ZRANB3: variants seen among roughly 807,000 people sequenced by gnomAD.
ZRANB3 encodes the protein zinc finger RANBP2-type containing 3, also known as DNA annealing helicase and endonuclease ZRANB3.
In ZRANB3, 125 loss-of-function variants were observed where a neutral mutation model predicts 133.8. The ratio of observed to expected loss-of-function variants is 0.93; its 90% CI spans 0.81 to 1.08. The LOEUF is 1.08. Among genes scored for constraint, ZRANB3 ranks in the 50% least tolerant of loss-of-function variants. ZRANB3 has a pLI of 0.00. For synonymous variants in ZRANB3, 387 were observed against 432.7 expected, an observed-to-expected ratio of 0.89 and a Z score of 1.31; for missense variants, 1,229 against 1,275.5, an observed-to-expected ratio of 0.96 and a Z score of 0.56.
chr2:135,309,497 A>G (rs1558906152), intron 8 of ZRANB3, among the ~76,000 whole-genome samples: 1 of 152,226 alleles, frequency 6.6e-6, no homozygotes, highest in Non-Finnish European at 1.5e-5. Context: ...TTCTAGAATT[A>G]ACCAAAAATC....
chr2:135,413,354 G>C (rs1308909774), intron 2 of ZRANB3, among the ~76,000 whole-genome samples: 1 of 152,090 alleles, frequency 6.6e-6, no homozygotes, highest in Admixed American at 6.6e-5. Context: ...TTCTGTTATT[G>C]TACAACATCC....
intron 20 of ZRANB3, 121 bp from the exon 21 acceptor site, chr2:135,200,561 G>T: frequency 1.3e-6 from 1 of 788,806 alleles, no homozygotes; most frequent in Non-Finnish European, 2.0e-6. Flanking sequence ...TTTTCCAGTG[G>T]TTGGCTATGG....
At chr2:135,462,735 GGT>G (rs1466828920) in intron 2 of ZRANB3, among the ~76,000 whole-genome samples, 1 of 151,864 alleles carries the variant, frequency 6.6e-6, no homozygotes, top group African/African-American at 2.4e-5. Context: ...TGGGATTACA[GGT>G]GCCCACCATC....
intron 8 of ZRANB3, among the ~76,000 whole-genome samples, chr2:135,295,962 G>A (rs1007875312): frequency 6.6e-6 from 1 of 152,112 alleles, no homozygotes; most frequent in African/African-American, 2.4e-5. Flanking sequence ...TAGTCTGATG[G>A]GCTTCCCTTT....
At chr2:135,252,019 G>A (rs562925365) in intron 12 of ZRANB3, among the ~76,000 whole-genome samples, 1 of 152,304 alleles carries the variant, frequency 6.6e-6, no homozygotes, top group East Asian at 1.9e-4. Context: ...TGGCGACAGA[G>A]CAGGATTCCG....
At chr2:135,416,154 G>C (rs1688563112) in intron 2 of ZRANB3, among the ~76,000 whole-genome samples, 1 of 151,868 alleles carries the variant, frequency 6.6e-6, no homozygotes. Context: ...ATTAGGAAAA[G>C]AGGAAGTCAA....
intron 8 of ZRANB3, among the ~76,000 whole-genome samples, chr2:135,297,341 T>C (rs1682180551): frequency 6.6e-6 from 1 of 152,192 alleles, no homozygotes; most frequent in Admixed American, 6.5e-5. Flanking sequence ...GTGCTAGCAA[T>C]GAGCAAGGCT....
intron 11 of ZRANB3, among the ~76,000 whole-genome samples, chr2:135,267,230 G>A (rs1334921454): frequency 6.6e-6 from 1 of 152,184 alleles, no homozygotes; most frequent in African/African-American, 2.4e-5. Context: ...TTAAGGTTGA[G>A]GGGCCACATC....
chr2:135,217,431 T>C, intron 17 of ZRANB3, 34 bp downstream of exon 17: 1 of 1,558,406 alleles, frequency 6.4e-7, no homozygotes. Flanking sequence ...TGAAAAGTAA[T>C]ATAATACAAA....
intron 2 of ZRANB3, among the ~76,000 whole-genome samples, chr2:135,481,167 C>G (rs1691784623): frequency 6.6e-6 from 1 of 151,326 alleles, no homozygotes; most frequent in Admixed American, 6.6e-5. Context: ...ATTTCCAGTT[C>G]TAGATCCCTG....
At chr2:135,479,514 A>T (rs1691663651) in intron 2 of ZRANB3, among the ~76,000 whole-genome samples, 2 of 152,120 alleles carry the variant, frequency 1.3e-5, no homozygotes, top group South Asian at 4.1e-4. Context: ...GGGTGCCTGT[A>T]ACCCCAGCTA....
chr2:135,371,154 T>G (rs990465578), intron 3 of ZRANB3, among the ~76,000 whole-genome samples: 10 of 152,178 alleles, frequency 6.6e-5, no homozygotes, highest in Admixed American at 5.2e-4. Context: ...CTGTCAAAAT[T>G]TAAGCTCATT....
chr2:135,232,345 G>C (rs552056942), intron 12 of ZRANB3, among the ~76,000 whole-genome samples: 21 of 152,330 alleles, frequency 1.4e-4, no homozygotes, highest in African/African-American at 4.8e-4. Flanking sequence ...GCCTGCCTCT[G>C]TAGACTCCAT....
intron 12 of ZRANB3, among the ~76,000 whole-genome samples, chr2:135,250,979 T>C (rs1323557528): frequency 3.9e-5 from 6 of 152,166 alleles, no homozygotes; most frequent in Non-Finnish European, 8.8e-5. Context: ...ACCATGCTCC[T>C]GGAAAAGCCA....
intron 6 of ZRANB3, among the ~76,000 whole-genome samples, chr2:135,326,950 C>T (rs990519053): frequency 2.1e-5 from 3 of 141,360 alleles, no homozygotes; most frequent in Non-Finnish European, 4.6e-5. Context: ...TCTTTAGAGA[C>T]ATATGTGAAA....
intron 3 of ZRANB3, among the ~76,000 whole-genome samples, chr2:135,367,652 A>T (rs1685998915): frequency 6.6e-6 from 1 of 152,186 alleles, no homozygotes; most frequent in Non-Finnish European, 1.5e-5. Context: ...TCTAAACCAT[A>T]TGGTTTTCTT....
intron 6 of ZRANB3, among the ~76,000 whole-genome samples, chr2:135,342,757 T>C (rs914583856): frequency 6.7e-6 from 1 of 149,458 alleles, no homozygotes; most frequent in African/African-American, 2.6e-5. Context: ...GATTTTAGTG[T>C]TTCATGTGGT....
intron 8 of ZRANB3, among the ~76,000 whole-genome samples, chr2:135,280,366 G>A (rs1681044176): frequency 6.6e-6 from 1 of 152,060 alleles, no homozygotes; most frequent in South Asian, 2.1e-4. Context: ...TCAGGAGTTC[G>A]AGACCAGCTT....
intron 3 of ZRANB3, among the ~76,000 whole-genome samples, chr2:135,388,202 T>TA (rs1194897661): frequency 1.3e-5 from 2 of 152,156 alleles, no homozygotes; most frequent in Admixed American, 6.5e-5. Flanking sequence ...TCGTGAGACT[T>TA]ACTGGCTATC....
Sources: allele counts gnomAD v4.1 joint callset (sites outside exome capture counted in the v4.1 genomes callset), GRCh38; gene constraint gnomAD v4.1.1; transcripts MANE v1.5; gene names NCBI Gene and HGNC (gene_info 2026-07-23, HGNC 2026-07-21).